ASTN2: variants seen among roughly 807,000 people sequenced by gnomAD.
The protein encoded by ASTN2 is astrotactin-2.
ASTN2 carries 54 observed loss-of-function variants against 139.8 expected under a neutral mutation model. The observed-to-expected ratio is 0.39, with a 90% CI of 0.31 to 0.48. The LOEUF (loss-of-function observed/expected upper bound fraction) is 0.48. Ranked by LOEUF, ASTN2 falls within the 20% of genes least tolerant of loss-of-function variation. ASTN2 has a pLI of 0.95. For missense variants in ASTN2, 1,565 were observed against 1,725.1 expected, an observed-to-expected ratio of 0.91 and a Z score of 1.64; for synonymous variants, 756 against 719.5, an observed-to-expected ratio of 1.05 and a Z score of -0.81.
intron 2 of ASTN2, among the ~76,000 whole-genome samples, chr9:117,225,790 A>C (rs1471283331): frequency 6.6e-6 from 1 of 151,648 alleles, no homozygotes; most frequent in Non-Finnish European, 1.5e-5. Context: ...GGCTGTTGTG[A>C]AGATCGGATA....
intron 19 of ASTN2, among the ~76,000 whole-genome samples, chr9:116,545,050 C>T (rs1407349779): frequency 6.6e-6 from 1 of 152,190 alleles, no homozygotes; most frequent in Admixed American, 6.5e-5. Context: ...TGGGACAGTT[C>T]CTTCCAGCTT....
chr9:117,254,864 A>AT (rs1292577749), intron 2 of ASTN2, among the ~76,000 whole-genome samples: 2 of 151,700 alleles, frequency 1.3e-5, no homozygotes, highest in East Asian at 3.9e-4. Flanking sequence ...ATTCCATTCT[A>AT]TTTTTTATGC....
chr9:116,901,996 G>A (rs1834021870), intron 10 of ASTN2, among the ~76,000 whole-genome samples: 2 of 152,276 alleles, frequency 1.3e-5, no homozygotes, highest in Middle Eastern at 3.4e-3. Context: ...CTGCACTCAA[G>A]CCTGGGCAGC....
intron 13 of ASTN2, among the ~76,000 whole-genome samples, chr9:116,787,012 G>A (rs968135473): frequency 3.9e-5 from 6 of 152,166 alleles, no homozygotes; most frequent in Non-Finnish European, 7.3e-5. Flanking sequence ...CGTAGCTTCC[G>A]CCATGACTGT....
chr9:117,153,351 C>G (rs1830364434), intron 3 of ASTN2, among the ~76,000 whole-genome samples: 1 of 152,112 alleles, frequency 6.6e-6, no homozygotes, highest in Non-Finnish European at 1.5e-5. Context: ...TGAGCAATGC[C>G]TGTGAGATGA....
chr9:116,712,967 C>G (rs1312023815), intron 16 of ASTN2, among the ~76,000 whole-genome samples: 3 of 152,092 alleles, frequency 2.0e-5, no homozygotes, highest in Non-Finnish European at 2.9e-5. Flanking sequence ...GGGAGTCAGA[C>G]AGTCCTGAGA....
In ASTN2 at chr9:116,805,644, T is replaced by G; in HGVS notation, c.2384A>C (p.Gln795Pro). 1.2e-6 allele frequency: 2 copies of G among 1,613,818 alleles called. No homozygotes were observed. Among genetic ancestry groups the G allele is most frequent in the Non-Finnish European group, 1.7e-6 (2 of 1,179,772 alleles). Residue 795 changes from glutamine to proline, a missense_variant, in exon 13 of 23, where the codon CAG becomes CCG. Coordinates refer to ENST00000313400, the MANE Select transcript of ASTN2 (RefSeq NM_001365068.1). Reference sequence around the variant, plus strand: ...ATCTACAGCATACCTAAAGGTCATCTGGAAGACTTGGCCTTGGTTCACATG... The same window carrying G: ...ATCTACAGCATACCTAAAGGTCATCGGGAAGACTTGGCCTTGGTTCACATG... ...TQHVNQGQVF[Q>P]MTFRENNFIK...
At chr9:116,540,675 A>G (rs2119346644) in intron 19 of ASTN2, 1 of 152,384 alleles carries the variant, frequency 6.6e-6, no homozygotes, top group Admixed American at 6.5e-5. Flanking sequence ...ACCCAGGGAC[A>G]GGACTTTCCA....
chr9:117,349,974 T>C (rs1829338022), intron 1 of ASTN2, among the ~76,000 whole-genome samples: 1 of 152,146 alleles, frequency 6.6e-6, no homozygotes, highest in Non-Finnish European at 1.5e-5. Flanking sequence ...AAAAAGGACA[T>C]TGGTGGAAAC....
intron 10 of ASTN2, among the ~76,000 whole-genome samples, chr9:116,886,178 T>C (rs1833592121): frequency 6.6e-6 from 1 of 152,210 alleles, no homozygotes; most frequent in Admixed American, 6.5e-5. Context: ...CTATTATCTG[T>C]CCACAGGTCT....
chr9:116,679,409 G>A (rs1859698704), intron 16 of ASTN2, among the ~76,000 whole-genome samples: 1 of 151,982 alleles, frequency 6.6e-6, no homozygotes, highest in South Asian at 2.1e-4. Context: ...GCTTTCTTTG[G>A]AACATTTGTG....
At chr9:117,046,292 TGCCCG>T (rs549886348) in intron 5 of ASTN2, among the ~76,000 whole-genome samples, 1 of 152,224 alleles carries the variant, frequency 6.6e-6, no homozygotes, top group South Asian at 2.1e-4. Context: ...TGAGCCACCG[TGCCCG>T]GACTGAGCTT....
intron 5 of ASTN2, among the ~76,000 whole-genome samples, chr9:117,071,281 C>T (rs1286270754): frequency 6.6e-6 from 1 of 151,422 alleles, no homozygotes; most frequent in South Asian, 2.1e-4. Context: ...TGTGAGGTGT[C>T]AGTGTGCCCC....
At chr9:117,298,578 C>T (rs1174428838) in intron 1 of ASTN2, among the ~76,000 whole-genome samples, 1 of 151,428 alleles carries the variant, frequency 6.6e-6, no homozygotes, top group Non-Finnish European at 1.5e-5. Context: ...ACTTAGACAG[C>T]ACTCCACAGT....
At chr9:116,516,919 T>C (rs1302061682) in intron 19 of ASTN2, among the ~76,000 whole-genome samples, 2 of 152,156 alleles carry the variant, frequency 1.3e-5, no homozygotes, top group Admixed American at 6.5e-5. Flanking sequence ...CATAACTCCA[T>C]TGGCCTGGGA....
chr9:116,503,167 G>A (rs1056382079), intron 19 of ASTN2, among the ~76,000 whole-genome samples: 12 of 149,480 alleles, frequency 8.0e-5, no homozygotes, highest in African/African-American at 3.0e-4. Flanking sequence ...GAGAAAGGAA[G>A]GAAGAAGGAA....
At chr9:116,909,595 A>G (rs1171670488) in intron 10 of ASTN2, among the ~76,000 whole-genome samples, 2 of 152,198 alleles carry the variant, frequency 1.3e-5, no homozygotes, top group African/African-American at 4.8e-5. Context: ...AGCTATTGGC[A>G]TTTAGAACTT....
chr9:117,023,399 A>G (rs1287521364), intron 6 of ASTN2, among the ~76,000 whole-genome samples: 1 of 152,090 alleles, frequency 6.6e-6, no homozygotes, highest in African/African-American at 2.4e-5. Flanking sequence ...TCTACCACAC[A>G]ACTTCACATG....
Position 117,253,867 on chromosome 9 carries a change from C to A in ASTN2, c.630+37459G>T, listed in dbSNP as rs539548075. On this transcript the variant is annotated intron_variant, in intron 2 of 22. Transcript: ENST00000313400. ...CGGAAATGCAGTAGCCTGAGCAGCT[C>A]CTATGCCTTATTTCTTCCACCCCAT... 1.4e-4 allele frequency among the ~76,000 whole-genome samples: 22 copies of A among 152,234 alleles called. No individual in the cohort carries two copies. In the East Asian group the frequency reaches 4.3e-3, roughly 30 times the overall value.
Sources: allele counts gnomAD v4.1 joint callset (sites outside exome capture counted in the v4.1 genomes callset), GRCh38; gene constraint gnomAD v4.1.1; transcripts MANE v1.5; gene names NCBI Gene and HGNC (gene_info 2026-07-23, HGNC 2026-07-21).